Variants in KCNH5 observed in about 807,000 individuals in gnomAD.
KCNH5 encodes the protein potassium voltage-gated channel subfamily H member 5.
Under a neutral mutation model 96.1 loss-of-function variants are expected in KCNH5, and 46 were observed. The observed-to-expected ratio is 0.48, with a 90% CI of 0.38 to 0.61. KCNH5 has a LOEUF of 0.61. KCNH5 is among the 20% of genes least tolerant of loss of function. The pLI is 0.00. For synonymous variants in KCNH5, 439 were observed against 449.8 expected (o/e 0.98, Z 0.30); for missense variants, 907 against 1,225.8 (o/e 0.74, Z 3.88).
chr14:62,859,647 C>T (rs1037705561), intron 7 of KCNH5, among the ~76,000 whole-genome samples: 10 of 152,218 alleles, frequency 6.6e-5, no homozygotes, highest in African/African-American at 2.4e-4. Context: ...TGAATCAGTA[C>T]ATAATCGCGC....
At chr14:62,998,856 G>T (rs1368546189) in intron 4 of KCNH5, among the ~76,000 whole-genome samples, 2 of 151,990 alleles carry the variant, frequency 1.3e-5, no homozygotes, top group Non-Finnish European at 2.9e-5. Flanking sequence ...GTAGTTTTAT[G>T]GCCCAGAATG....
At chr14:62,907,881 T>C (rs1432306601) in intron 7 of KCNH5, among the ~76,000 whole-genome samples, 2 of 152,136 alleles carry the variant, frequency 1.3e-5, no homozygotes, top group East Asian at 3.9e-4. Flanking sequence ...CAACCAATAG[T>C]CGATGTTCTC....
At chr14:62,767,713 T>C (rs906218985) in intron 10 of KCNH5, among the ~76,000 whole-genome samples, 1 of 152,224 alleles carries the variant, frequency 6.6e-6, no homozygotes, top group Admixed American at 6.5e-5. Flanking sequence ...TGTCATTTAC[T>C]ATGCTTATTA....
At chr14:62,792,740 T>C (rs17100383) in intron 9 of KCNH5, among the ~76,000 whole-genome samples, 5,782 of 151,712 alleles carry the variant, frequency 0.038, 218 homozygotes, top group African/African-American at 0.1. Flanking sequence ...TTAACGAATC[T>C]GACATCCTGA....
intron 7 of KCNH5, among the ~76,000 whole-genome samples, chr14:62,890,537 T>C (rs1389634825): frequency 9.3e-6 from 1 of 107,226 alleles, no homozygotes; most frequent in East Asian, 4.2e-4. Context: ...CTACTAAAAA[T>C]ACAAAAAAAA....
At chr14:62,730,340 C>T (rs753487902) in intron 10 of KCNH5, among the ~76,000 whole-genome samples, 1 of 152,148 alleles carries the variant, frequency 6.6e-6, no homozygotes, top group East Asian at 1.9e-4. Context: ...GTAGCTGCTA[C>T]AGCATATTTA....
At chr14:62,808,261 T>C (rs1287602821) in intron 8 of KCNH5, among the ~76,000 whole-genome samples, 4 of 152,090 alleles carry the variant, frequency 2.6e-5, no homozygotes, top group African/African-American at 4.8e-5. Flanking sequence ...TTAAGTTAGA[T>C]AGAATAAAGC....
chr14:62,776,705 A>G (rs183551547), intron 10 of KCNH5, among the ~76,000 whole-genome samples: 26 of 152,336 alleles, frequency 1.7e-4, no homozygotes, highest in Admixed American at 1.1e-3. Flanking sequence ...TTATTCGTCA[A>G]TTCGTAGAAT....
intron 7 of KCNH5, among the ~76,000 whole-genome samples, chr14:62,920,055 G>A (rs773082666): frequency 7.2e-5 from 11 of 152,032 alleles, no homozygotes; most frequent in African/African-American, 9.7e-5. Context: ...GAGTTTTGGG[G>A]GAACTTGCCC....
intron 7 of KCNH5, among the ~76,000 whole-genome samples, chr14:62,923,231 G>C (rs1889412082): frequency 1.3e-5 from 2 of 151,518 alleles, no homozygotes; most frequent in African/African-American, 4.8e-5. Context: ...ATAGCATCAA[G>C]GAGAATAAAA....
chr14:62,937,592 G>A (rs907960194), intron 7 of KCNH5, among the ~76,000 whole-genome samples: 4 of 152,210 alleles, frequency 2.6e-5, no homozygotes, highest in Admixed American at 6.5e-5. Flanking sequence ...CTGCAATGAA[G>A]ATGAGTGGTC....
intron 10 of KCNH5, among the ~76,000 whole-genome samples, chr14:62,721,421 T>C (rs1184187101): frequency 1.3e-5 from 2 of 152,196 alleles, no homozygotes; most frequent in Admixed American, 1.3e-4. Context: ...AGTACTTTCC[T>C]AGATATAATT....
intron 7 of KCNH5, among the ~76,000 whole-genome samples, chr14:62,926,288 C>G (rs992861631): frequency 1.3e-5 from 2 of 152,098 alleles, no homozygotes; most frequent in Admixed American, 6.6e-5. Flanking sequence ...TGGTCATCAG[C>G]TCAAACCACT....
At chr14:62,871,338 TG>T (rs1432058856) in intron 7 of KCNH5, among the ~76,000 whole-genome samples, 2 of 152,158 alleles carry the variant, frequency 1.3e-5, no homozygotes, top group Admixed American at 6.6e-5. Context: ...AACCCAATAC[TG>T]GGGGTTTAAG....
intron 6 of KCNH5, among the ~76,000 whole-genome samples, chr14:62,972,302 C>A (rs1890423656): frequency 6.6e-6 from 1 of 152,152 alleles, no homozygotes; most frequent in Non-Finnish European, 1.5e-5. Flanking sequence ...TAAACAGATA[C>A]CACTACACAC....
chr14:62,950,176 T>C lies in KCNH5; in HGVS notation c.1326A>G (p.Thr442=). The change falls in exon 7 of 11, where the codon ACA becomes ACG. Residue 442 remains threonine, a synonymous_variant. Transcript: ENST00000322893. ...TIGFGNIAPT[T]DVEKMFSVAM... ...CCACCGAAAACATCTTCTCCACATCTGTGGTAGGAGCTATGTTTCCAAATC... is the reference window on the plus strand; with the variant it reads ...CCACCGAAAACATCTTCTCCACATCCGTGGTAGGAGCTATGTTTCCAAATC... The C allele has an allele frequency of 6.2e-7, 1 of 1,613,904 alleles. No homozygotes were observed. The highest frequency in any genetic ancestry group is 8.5e-7 in the Non-Finnish European group (1 of 1,179,902).
chr14:62,874,351 G>A (rs956828558), intron 7 of KCNH5, among the ~76,000 whole-genome samples: 1 of 151,952 alleles, frequency 6.6e-6, no homozygotes, highest in African/African-American at 2.4e-5. Context: ...TGCAGCAAAC[G>A]AACATATGTA....
chr14:62,903,630 G>A (rs538138647), intron 7 of KCNH5, among the ~76,000 whole-genome samples: 9 of 152,218 alleles, frequency 5.9e-5, no homozygotes, highest in African/African-American at 1.9e-4. Flanking sequence ...TCAGAAAATA[G>A]AATCTAGAAG....
At chr14:62,978,336 C>G (rs1890540239) in intron 6 of KCNH5, among the ~76,000 whole-genome samples, 1 of 152,138 alleles carries the variant, frequency 6.6e-6, no homozygotes, top group African/African-American at 2.4e-5. Context: ...CCACACAGCA[C>G]GTGTTGATGA....
Sources: allele counts gnomAD v4.1 joint callset (sites outside exome capture counted in the v4.1 genomes callset), GRCh38; gene constraint gnomAD v4.1.1; transcripts MANE v1.5; gene names NCBI Gene and HGNC (gene_info 2026-07-23, HGNC 2026-07-21).